MAGI2: variants seen among roughly 807,000 people sequenced by gnomAD.
MAGI2 encodes the protein membrane-associated guanylate kinase, WW and PDZ domain-containing protein 2.
MAGI2 carries 35 observed loss-of-function variants against 133.3 expected under a neutral mutation model. The ratio of observed to expected loss-of-function variants is 0.26; its 90% CI spans 0.20 to 0.35. The LOEUF (loss-of-function observed/expected upper bound fraction) is 0.35. Among genes scored for constraint, MAGI2 ranks in the 10% least tolerant of loss-of-function variants. The pLI, the probability that MAGI2 is intolerant of heterozygous loss-of-function variation, is 1.00. For synonymous variants in MAGI2, 729 were observed against 710.6 expected, an observed-to-expected ratio of 1.03 and a Z score of -0.41; for missense variants, 1,636 against 1,863.4, an observed-to-expected ratio of 0.88 and a Z score of 2.25.
In MAGI2 at chr7:78,746,325, C is replaced by T. The variant is rs141011369; in HGVS notation, c.419-119086G>A. Among the ~76,000 whole-genome samples, 89 of 152,298 alleles carry T rather than the reference C, an allele frequency of 5.8e-4. 2 individuals are homozygous for T. The Middle Eastern group carries it at 0.01, about 17-fold the overall frequency. On this transcript the variant is annotated intron_variant, in intron 2 of 21. Coordinates refer to ENST00000354212, the MANE Select transcript of MAGI2 (RefSeq NM_012301.4). The stretch of plus-strand genomic sequence containing the variant: ...GCAGTAATACTAACGAAGTCAAATA[C>T]ACTGCTCTTGGCTTGATTTCCAGCT...
chr7:79,015,284 A>T (rs1319858197), intron 1 of MAGI2, among the ~76,000 whole-genome samples: 1 of 151,954 alleles, frequency 6.6e-6, no homozygotes, highest in Non-Finnish European at 1.5e-5. Flanking sequence ...GTAAGACCCC[A>T]TCTCTATAAA....
At chr7:78,378,193 C>T (rs1476940671) in intron 6 of MAGI2, among the ~76,000 whole-genome samples, 1 of 151,488 alleles carries the variant, frequency 6.6e-6, no homozygotes, top group Non-Finnish European at 1.5e-5. Flanking sequence ...AAAGCCATGA[C>T]AATAGCCAAG....
At chr7:79,207,406 G>C (rs1489544524) in intron 1 of MAGI2, among the ~76,000 whole-genome samples, 1 of 151,814 alleles carries the variant, frequency 6.6e-6, no homozygotes, top group Non-Finnish European at 1.5e-5. Context: ...AAAATCAGTA[G>C]AATTTCTACA....
At chr7:78,028,897 A>T (rs1262117692) in intron 21 of MAGI2, among the ~76,000 whole-genome samples, 1 of 151,720 alleles carries the variant, frequency 6.6e-6, no homozygotes, top group Non-Finnish European at 1.5e-5. Context: ...TCCCCATTTC[A>T]AAGATCAGGA....
At chr7:78,961,648 A>T (rs1285590466) in intron 2 of MAGI2, among the ~76,000 whole-genome samples, 1 of 152,112 alleles carries the variant, frequency 6.6e-6, no homozygotes, top group Admixed American at 6.5e-5. Context: ...CATTTTGCAG[A>T]TACCAAAAAA....
chr7:78,815,743 A>C (rs1789515298), intron 2 of MAGI2, among the ~76,000 whole-genome samples: 1 of 152,212 alleles, frequency 6.6e-6, no homozygotes, highest in African/African-American at 2.4e-5. Context: ...TTAAGACAGC[A>C]AAATTAATCA....
At chr7:78,597,797 A>G (rs1187998125) in intron 3 of MAGI2, among the ~76,000 whole-genome samples, 1 of 152,084 alleles carries the variant, frequency 6.6e-6, no homozygotes, top group Non-Finnish European at 1.5e-5. Context: ...ATATATCTTT[A>G]CAAGGTTTCT....
chr7:78,653,777 A>T (rs76129530), intron 2 of MAGI2, among the ~76,000 whole-genome samples: 119 of 2,324 alleles, frequency 0.051, no homozygotes, highest in African/African-American at 0.28. Context: ...AAGTATGATA[A>T]AAAAAAAAAA....
chr7:79,085,340 A>G (rs188091483), intron 1 of MAGI2, among the ~76,000 whole-genome samples: 1 of 151,806 alleles, frequency 6.6e-6, no homozygotes, highest in Admixed American at 6.6e-5. Context: ...TCTAAAATTC[A>G]TATATTTTTA....
In MAGI2 at chr7:79,324,645, TATATATATATTATATATATATAAA is replaced by T. The variant is rs1839512996; in HGVS notation, c.301+128351_301+128374del. ...ATATATATATTATATATATATAAAA[TATATATATATTATATATATATAAA>T]ATATATATATATTATATATATATAA... On this transcript the variant is annotated intron_variant, in intron 1 of 21. Transcript: ENST00000354212. 1.4e-3 allele frequency among the ~76,000 whole-genome samples: 38 copies of T among 26,612 alleles called. 12 individuals are homozygous for T. The highest frequency in any genetic ancestry group is 1.0e-3 in the African/African-American group (4 of 3,926). The allele number at this position is 26,612 out of a possible 152,430, so 17.5% of individuals were successfully genotyped here.
intron 9 of MAGI2, among the ~76,000 whole-genome samples, chr7:78,305,893 G>A (rs936625952): frequency 6.6e-6 from 1 of 152,072 alleles, no homozygotes; most frequent in African/African-American, 2.4e-5. Flanking sequence ...TCATATCAAG[G>A]AGGAAAAAAT....
At chr7:78,682,684 C>T (rs1815820198) in intron 2 of MAGI2, among the ~76,000 whole-genome samples, 1 of 152,090 alleles carries the variant, frequency 6.6e-6, no homozygotes. Flanking sequence ...AGTAAACATA[C>T]ATGTGCATGT....
intron 1 of MAGI2, among the ~76,000 whole-genome samples, chr7:79,276,580 C>T (rs1373586119): frequency 6.6e-6 from 1 of 152,166 alleles, no homozygotes; most frequent in Non-Finnish European, 1.5e-5. Flanking sequence ...TGAGGAATTA[C>T]TTCTTATGAA....
chr7:78,101,740 C>A (rs1404137405), intron 20 of MAGI2, among the ~76,000 whole-genome samples: 1 of 152,132 alleles, frequency 6.6e-6, no homozygotes, highest in African/African-American at 2.4e-5. Flanking sequence ...GCAAAGGGAA[C>A]CTTTGTACCA....
chr7:78,813,833 G>A (rs1451366632), intron 2 of MAGI2, among the ~76,000 whole-genome samples: 1 of 149,846 alleles, frequency 6.7e-6, no homozygotes, highest in Non-Finnish European at 1.5e-5. Context: ...ACTATCAGCA[G>A]GAACTGAAGG....
intron 20 of MAGI2, among the ~76,000 whole-genome samples, chr7:78,112,805 C>T (rs2150472510): frequency 6.6e-6 from 1 of 152,328 alleles, no homozygotes; most frequent in South Asian, 2.1e-4. Flanking sequence ...GAAAGACAGA[C>T]TTCATAAAGT....
At chr7:79,451,434 A>G (rs1225506470) in intron 1 of MAGI2, among the ~76,000 whole-genome samples, 1 of 152,210 alleles carries the variant, frequency 6.6e-6, no homozygotes, top group Non-Finnish European at 1.5e-5. Flanking sequence ...AACCTTAGGT[A>G]TCTTATCTTC....
intron 2 of MAGI2, among the ~76,000 whole-genome samples, chr7:78,641,436 C>T (rs1165761459): frequency 1.3e-5 from 2 of 152,184 alleles, no homozygotes; most frequent in Non-Finnish European, 2.9e-5. Context: ...AATACATAAA[C>T]AAATGAGCAC....
chr7:78,337,891 ACCATCCATCCATCCAT>A (rs112967411), intron 9 of MAGI2, among the ~76,000 whole-genome samples: 8 of 149,986 alleles, frequency 5.3e-5, no homozygotes, highest in Admixed American at 2.7e-4. Context: ...CCATCCAATC[ACCATCCATCCATCCAT>A]CCATCCATCC....
Sources: allele counts gnomAD v4.1 joint callset (sites outside exome capture counted in the v4.1 genomes callset), GRCh38; gene constraint gnomAD v4.1.1; transcripts MANE v1.5; gene names NCBI Gene and HGNC (gene_info 2026-07-23, HGNC 2026-07-21).